The following ABTB2 variants were observed in gnomAD, a reference collection of about 807,000 sequenced individuals.
The protein encoded by ABTB2 is ankyrin repeat and BTB domain containing 2.
Under a neutral mutation model 104.1 loss-of-function variants are expected in ABTB2, and 56 were observed. The observed-to-expected ratio is 0.54, with a 90% CI of 0.43 to 0.67. ABTB2 has a LOEUF of 0.67. Among genes scored for constraint, ABTB2 ranks in the 30% least tolerant of loss-of-function variants. ABTB2 has a pLI of 0.00. For missense variants in ABTB2, 1,279 were observed against 1,407.7 expected (o/e 0.91, Z 1.46); for synonymous variants, 606 against 608.2 (o/e 1.00, Z 0.05).
intron 2 of ABTB2, among the ~76,000 whole-genome samples, chr11:34,198,793 T>A (rs12292752): frequency 0.011 from 1,676 of 152,318 alleles, 28 homozygotes; most frequent in African/African-American, 0.039. Flanking sequence ...TGAGAAAGGA[T>A]GGGCTGAAGG....
intron 1 of ABTB2, among the ~76,000 whole-genome samples, chr11:34,337,084 T>A (rs969670917): frequency 1.3e-5 from 2 of 152,228 alleles, no homozygotes; most frequent in East Asian, 3.9e-4. Flanking sequence ...GCTTCTCAGT[T>A]TACTGAGGAG....
Position 34,160,291 on chromosome 11 carries a change from G to T in ABTB2, c.2460C>A (p.Ile820=). ...IFTHCYGSSP[I]PSIPEIRKTL... ...TCTTCCGGATCTCTGGGATGCTGGGGATGGGACTGCTGCCATAGCAGTGGG... is the reference window on the plus strand; with the variant it reads ...TCTTCCGGATCTCTGGGATGCTGGGTATGGGACTGCTGCCATAGCAGTGGG... The change falls in exon 12 of 17, where the codon ATC becomes ATA. Residue 820 remains isoleucine (I), a synonymous_variant. Transcript: ENST00000435224. 5 of 1,614,218 alleles carry T rather than the reference G, an allele frequency of 3.1e-6. No homozygotes were observed. Among genetic ancestry groups the T allele is most frequent in the Non-Finnish European group, 3.4e-6 (4 of 1,180,040 alleles).
chr11:34,313,594 C>CA (rs769385327), intron 1 of ABTB2, among the ~76,000 whole-genome samples: 1 of 152,340 alleles, frequency 6.6e-6, no homozygotes, highest in East Asian at 1.9e-4. Context: ...GAGAATATCT[C>CA]AAACGCCCTG....
chr11:34,357,872 C>A lies in ABTB2; in HGVS notation c.-289G>T. Reference sequence around the variant, plus strand: ...CTTGTCCACCTCTAATTCCCACAAGCAGAGAGTCAGTCCTCCACAGAGAAG... The same window carrying A: ...CTTGTCCACCTCTAATTCCCACAAGAAGAGAGTCAGTCCTCCACAGAGAAG... On this transcript the variant is annotated 5_prime_UTR_variant, in exon 1 of 17. Coordinates refer to ENST00000435224, the MANE Select transcript of ABTB2 (RefSeq NM_145804.3). 2.6e-6 allele frequency: 1 copy of A among 380,524 alleles called. No individual in the cohort carries two copies. Among genetic ancestry groups the A allele is most frequent in the Non-Finnish European group, 4.7e-6 (1 of 211,494 alleles). The allele number at this position is 380,524 out of a possible 1,614,324, so 23.6% of individuals were successfully genotyped here.
chr11:34,288,873 T>C (rs1451478986), intron 1 of ABTB2, among the ~76,000 whole-genome samples: 1 of 152,188 alleles, frequency 6.6e-6, no homozygotes, highest in Non-Finnish European at 1.5e-5. Context: ...CATCTGGTCA[T>C]AACATCAGCA....
chr11:34,175,291 C>T (rs530812480), intron 3 of ABTB2, among the ~76,000 whole-genome samples: 2 of 152,358 alleles, frequency 1.3e-5, no homozygotes, highest in Admixed American at 6.5e-5. Flanking sequence ...CCAATAAACC[C>T]ATAGTAAGTT....
chr11:34,280,737 G>A (rs79516393), intron 1 of ABTB2, among the ~76,000 whole-genome samples: 15,928 of 152,166 alleles, frequency 0.1, 870 homozygotes, highest in Non-Finnish European at 0.12. Context: ...ACCACCCTGC[G>A]AGGTAAGTAT....
chr11:34,158,652 G>T (rs1030782901), intron 14 of ABTB2, among the ~76,000 whole-genome samples: 1 of 152,200 alleles, frequency 6.6e-6, no homozygotes, highest in Non-Finnish European at 1.5e-5. Flanking sequence ...TCTCAGTGGG[G>T]TTCAGCTGAG....
chr11:34,284,011 GC>G (rs1424736830), intron 1 of ABTB2, among the ~76,000 whole-genome samples: 1 of 152,228 alleles, frequency 6.6e-6, no homozygotes, highest in Admixed American at 6.5e-5. Flanking sequence ...CTCAAACTGT[GC>G]CATGCACATG....
At chr11:34,218,833 C>T (rs1331824411) in intron 1 of ABTB2, among the ~76,000 whole-genome samples, 2 of 105,198 alleles carry the variant, frequency 1.9e-5, no homozygotes, top group Admixed American at 1.5e-4. Flanking sequence ...GCAACAAGAG[C>T]GAAACTCCAT....
chr11:34,200,981 A>C (rs1853329601), intron 2 of ABTB2, among the ~76,000 whole-genome samples: 2 of 152,214 alleles, frequency 1.3e-5, no homozygotes, highest in Admixed American at 6.5e-5. Context: ...GCTAATAATA[A>C]TTTTAAAAAT....
intron 2 of ABTB2, among the ~76,000 whole-genome samples, chr11:34,197,997 A>G (rs1347747651): frequency 2.0e-5 from 3 of 152,208 alleles, no homozygotes; most frequent in Non-Finnish European, 4.4e-5. Flanking sequence ...CTCAGCACCA[A>G]TTACAACCAC....
chr11:34,177,762 T>G (rs145939090), intron 3 of ABTB2, among the ~76,000 whole-genome samples: 1 of 151,950 alleles, frequency 6.6e-6, no homozygotes, highest in Non-Finnish European at 1.5e-5. Flanking sequence ...AGAGATGGGG[T>G]TTCACCATGT....
At chr11:34,216,424 T>A (rs1853549704) in intron 1 of ABTB2, among the ~76,000 whole-genome samples, 1 of 152,198 alleles carries the variant, frequency 6.6e-6, no homozygotes, top group African/African-American at 2.4e-5. Flanking sequence ...ATACTATACA[T>A]GGCCCTTTCT....
chr11:34,172,224 T>C (rs1852883760), intron 4 of ABTB2, among the ~76,000 whole-genome samples: 1 of 151,148 alleles, frequency 6.6e-6, no homozygotes, highest in African/African-American at 2.4e-5. Flanking sequence ...AATACAAAAC[T>C]ACCCAGACGT....
At chr11:34,155,916 G>T (rs1852619019) in intron 14 of ABTB2, among the ~76,000 whole-genome samples, 1 of 152,268 alleles carries the variant, frequency 6.6e-6, no homozygotes, top group South Asian at 2.1e-4. Flanking sequence ...CCCTCCCCAT[G>T]CAGGGCACTG....
At chr11:34,200,002 G>C (rs1424322868) in intron 2 of ABTB2, among the ~76,000 whole-genome samples, 1 of 152,118 alleles carries the variant, frequency 6.6e-6, no homozygotes, top group African/African-American at 2.4e-5. Flanking sequence ...ACCCTGAAAT[G>C]CCAGATCCCA....
intron 1 of ABTB2, among the ~76,000 whole-genome samples, chr11:34,348,999 G>A (rs1270003652): frequency 1.3e-5 from 2 of 152,112 alleles, no homozygotes; most frequent in Admixed American, 6.6e-5. Flanking sequence ...TAATGATGCC[G>A]GCATGGCATT....
chr11:34,163,686 G>T (rs1248799121), intron 9 of ABTB2, among the ~76,000 whole-genome samples: 3 of 152,214 alleles, frequency 2.0e-5, no homozygotes, highest in Non-Finnish European at 4.4e-5. Context: ...GCCCTTCCAA[G>T]GACCCAAGGT....
Sources: allele counts gnomAD v4.1 joint callset (sites outside exome capture counted in the v4.1 genomes callset), GRCh38; gene constraint gnomAD v4.1.1; transcripts MANE v1.5; gene names NCBI Gene and HGNC (gene_info 2026-07-23, HGNC 2026-07-21).